CDK14: variants seen among roughly 807,000 people sequenced by gnomAD.
CDK14 encodes cyclin dependent kinase 14, also known as cyclin-dependent kinase 14.
CDK14 carries 34 observed loss-of-function variants against 60.7 expected under a neutral mutation model. The observed-to-expected ratio is 0.56, with a 90% confidence interval of 0.43 to 0.75. The LOEUF is 0.75. Ranked by LOEUF, CDK14 falls within the 30% of genes least tolerant of loss-of-function variation. The pLI is 0.00. For synonymous variants in CDK14, 197 were observed against 203.7 expected, an observed-to-expected ratio of 0.97 and a Z score of 0.28; for missense variants, 482 against 564.1, an observed-to-expected ratio of 0.85 and a Z score of 1.47.
chr7:90,892,407 T>G (rs1207307123), intron 6 of CDK14, among the ~76,000 whole-genome samples: 2 of 152,230 alleles, frequency 1.3e-5, no homozygotes, highest in East Asian at 3.8e-4. Context: ...ACCACATGAC[T>G]AAGATGAGTC....
intron 7 of CDK14, among the ~76,000 whole-genome samples, chr7:90,905,695 A>G (rs1038269742): frequency 1.3e-5 from 2 of 152,206 alleles, no homozygotes; most frequent in South Asian, 4.2e-4. Context: ...TCTTTGTGCA[A>G]TGTTCTTTTC....
intron 10 of CDK14, among the ~76,000 whole-genome samples, chr7:91,009,078 G>T (rs1482149266): frequency 6.6e-6 from 1 of 151,832 alleles, no homozygotes; most frequent in Non-Finnish European, 1.5e-5. Context: ...AGATTAGTTT[G>T]CATTTTCTTA....
chr7:91,089,259 C>G (rs563229920), intron 12 of CDK14, among the ~76,000 whole-genome samples: 1 of 151,908 alleles, frequency 6.6e-6, no homozygotes, highest in African/African-American at 2.4e-5. Flanking sequence ...CTAGTTAAAA[C>G]AAAGAAAAAA....
chr7:90,933,266 TGA>T (rs1316169846), intron 8 of CDK14, among the ~76,000 whole-genome samples: 1 of 141,154 alleles, frequency 7.1e-6, no homozygotes, highest in African/African-American at 2.6e-5. Context: ...GGTGACAGAG[TGA>T]AACCCTGTCT....
chr7:90,895,382 T>TCCC (rs1792279293), intron 6 of CDK14, among the ~76,000 whole-genome samples: 6 of 5,480 alleles, frequency 1.1e-3, no homozygotes, highest in South Asian at 0.014. Flanking sequence ...TCCCCTCTCC[T>TCCC]CTCCTCTCCT....
At chr7:90,779,766 A>G (rs562676514) in intron 4 of CDK14, among the ~76,000 whole-genome samples, 1 of 152,332 alleles carries the variant, frequency 6.6e-6, no homozygotes, top group South Asian at 2.1e-4. Context: ...TTATTTTTTG[A>G]AAGATAAGCA....
At chr7:90,621,655 T>TCCTGCCTTCCTGCCTTCCTG (rs1457462136) in intron 2 of CDK14, among the ~76,000 whole-genome samples, 3,237 of 110,418 alleles carry the variant, frequency 0.029, 51 homozygotes, top group Middle Eastern at 0.049. Flanking sequence ...CTTCCTTCCT[T>TCCTGCCTTCCTGCCTTCCTG]CCTTCCTTCC....
At chr7:90,838,574 G>T (rs1277954802) in intron 5 of CDK14, among the ~76,000 whole-genome samples, 1 of 152,116 alleles carries the variant, frequency 6.6e-6, no homozygotes, top group Non-Finnish European at 1.5e-5. Context: ...TCCCAGCAAG[G>T]AATATTAATA....
intron 4 of CDK14, among the ~76,000 whole-genome samples, chr7:90,783,112 A>G (rs1308736475): frequency 6.6e-6 from 1 of 152,148 alleles, no homozygotes; most frequent in Non-Finnish European, 1.5e-5. Flanking sequence ...TGCCACTCTA[A>G]TATTATGTTT....
chr7:90,855,288 G>A (rs1790784748), intron 5 of CDK14, among the ~76,000 whole-genome samples: 1 of 152,180 alleles, frequency 6.6e-6, no homozygotes, highest in South Asian at 2.1e-4. Flanking sequence ...GTATCCAAGT[G>A]AGGAGGGATT....
intron 9 of CDK14, among the ~76,000 whole-genome samples, chr7:90,968,160 T>G (rs1018489246): frequency 3.3e-5 from 5 of 152,218 alleles, no homozygotes; most frequent in African/African-American, 1.2e-4. Context: ...CTTTCTTAAT[T>G]TTAGATGCTA....
At chr7:90,965,245 C>T (rs1337551390) in intron 9 of CDK14, among the ~76,000 whole-genome samples, 1 of 152,192 alleles carries the variant, frequency 6.6e-6, no homozygotes, top group Non-Finnish European at 1.5e-5. Context: ...TCCCCACCCT[C>T]TTCTGTCCTG....
At chr7:91,060,958 T>C (rs1797766109) in intron 11 of CDK14, among the ~76,000 whole-genome samples, 1 of 152,224 alleles carries the variant, frequency 6.6e-6, no homozygotes, top group Non-Finnish European at 1.5e-5. Context: ...CCTTGCTAGA[T>C]TGGGGAAGTT....
chr7:91,023,381 G>A (rs17402830), intron 10 of CDK14, among the ~76,000 whole-genome samples: 22,276 of 152,070 alleles, frequency 0.15, 1,853 homozygotes, highest in Middle Eastern at 0.27. Flanking sequence ...GTTATCACTC[G>A]GAAGATTTTT....
At chr7:91,194,502 T>G (rs1031038605) in intron 14 of CDK14, among the ~76,000 whole-genome samples, 11 of 151,246 alleles carry the variant, frequency 7.3e-5, no homozygotes, top group African/African-American at 2.7e-4. Flanking sequence ...GCTGTGGGGG[T>G]TTTTCCCCCC....
chr7:91,123,946 A>G (rs1168363748), intron 14 of CDK14, among the ~76,000 whole-genome samples: 1 of 152,048 alleles, frequency 6.6e-6, no homozygotes, highest in East Asian at 1.9e-4. Flanking sequence ...TTTAAGAGAC[A>G]GGGTCTCGCT....
intron 10 of CDK14, among the ~76,000 whole-genome samples, chr7:91,002,178 A>C (rs192457503): frequency 2.9e-4 from 44 of 152,322 alleles, no homozygotes; most frequent in South Asian, 1.5e-3. Flanking sequence ...CAATAATGCC[A>C]AATTTCCCCT....
Position 91,140,311 on chromosome 7 carries a change from T to G in CDK14, c.*28+22103T>G, listed in dbSNP as rs1257844410. Among the ~76,000 whole-genome samples the G allele has an allele frequency of 2.0e-5, 3 of 152,180 alleles. No homozygotes were observed. The South Asian group carries it at 6.2e-4, about 32-fold the overall frequency. On this transcript the variant is annotated intron_variant, in intron 14 of 14. Coordinates refer to ENST00000380050, the MANE Select transcript of CDK14 (RefSeq NM_001287135.2). Reference sequence around the variant, plus strand: ...GGAAAGTTGAAATAAATTTAAGAGGTGCTTTTTCTGGCCTTGACATTGTAT... The same window carrying G: ...GGAAAGTTGAAATAAATTTAAGAGGGGCTTTTTCTGGCCTTGACATTGTAT...
intron 9 of CDK14, among the ~76,000 whole-genome samples, chr7:90,961,612 A>T (rs1458189483): frequency 6.6e-6 from 1 of 152,244 alleles, no homozygotes; most frequent in Admixed American, 6.5e-5. Flanking sequence ...CAAGGAACAT[A>T]TGAATTAGTT....
Sources: allele counts gnomAD v4.1 joint callset (sites outside exome capture counted in the v4.1 genomes callset), GRCh38; gene constraint gnomAD v4.1.1; transcripts MANE v1.5; gene names NCBI Gene and HGNC (gene_info 2026-07-23, HGNC 2026-07-21).